ARHGAP40: variants seen among roughly 807,000 people sequenced by gnomAD.
ARHGAP40 encodes the protein rho GTPase-activating protein 40.
A neutral mutation model predicts 73.5 loss-of-function variants in ARHGAP40; 43 were observed. That is an observed-to-expected ratio of 0.58 (90% confidence interval 0.46 to 0.75). The LOEUF is 0.75. Ranked by LOEUF, ARHGAP40 falls within the 30% of genes least tolerant of loss-of-function variation. The pLI is 0.00. For synonymous variants in ARHGAP40, 300 were observed against 352.8 expected, an observed-to-expected ratio of 0.85 and a Z score of 1.68; for missense variants, 734 against 861.8, an observed-to-expected ratio of 0.85 and a Z score of 1.86.
chr20:38,649,503 C>T (rs532198458), intron 14 of ARHGAP40, among the ~76,000 whole-genome samples: 1 of 152,310 alleles, frequency 6.6e-6, no homozygotes, highest in Non-Finnish European at 1.5e-5. Context: ...GAGGCAAGGG[C>T]ACTGGTCTTC....
Position 38,628,689 on chromosome 20 carries a change from C to T in ARHGAP40, c.559-238C>T, listed in dbSNP as rs145306657. 1.2e-4 allele frequency among the ~76,000 whole-genome samples: 18 copies of T among 152,318 alleles called. No homozygotes were observed. The East Asian group carries it at 3.5e-3, about 29-fold the overall frequency. ...TGTGGGCATCATCTTTCTTGGAGCA[C>T]CTCTGAAGTGGCATAGCAGTGATTA... On this transcript the variant is annotated intron_variant, in intron 3 of 14. Coordinates refer to ENST00000373345, the Ensembl canonical transcript of ARHGAP40.
At position 38,646,993 on chromosome 20, in the gene ARHGAP40, A is replaced by G; in HGVS notation, c.1747A>G (p.Ile583Val). The G allele has an allele frequency of 7.7e-7, 1 of 1,305,456 alleles. No individual in the cohort carries two copies. 80.9% of individuals were successfully genotyped at this position (1,305,456 alleles called of 1,614,324 possible). A position where few individuals can be genotyped will look rare whatever the true frequency, so the allele number is the denominator to read the frequency against. ...GGCAAAGATCCAGGTGGTCTGGCCT[A>G]TCAAGGACCCCTTGAAGGTGCCTCT... Residue 583 changes from isoleucine to valine, a missense_variant, in exon 13 of 15, where the codon ATC becomes GTC. Coordinates refer to ENST00000373345, the Ensembl canonical transcript of ARHGAP40. The surrounding 1 kb of genome is among the most constrained non-coding windows in gnomAD (Gnocchi z 4.5).
intron 5 of ARHGAP40, among the ~76,000 whole-genome samples, chr20:38,630,165 T>TC (rs2088930076): frequency 9.1e-6 from 1 of 109,356 alleles, no homozygotes; most frequent in Admixed American, 9.4e-5. Context: ...CTCCCTCCCT[T>TC]CCTTCCTTCC....
intron 5 of ARHGAP40, among the ~76,000 whole-genome samples, chr20:38,634,129 A>C (rs2088958619): frequency 6.6e-6 from 1 of 152,084 alleles, no homozygotes. Context: ...AGGTGGGAGA[A>C]TTGCTTGAGC....
chr20:38,621,601 G>T (rs2088874033), intron 1 of ARHGAP40, among the ~76,000 whole-genome samples: 1 of 152,178 alleles, frequency 6.6e-6, no homozygotes, highest in African/African-American at 2.4e-5. Context: ...AAATATGCCT[G>T]GGGAGAAACA....
chr20:38,627,250 G>A (rs1396468326), intron 3 of ARHGAP40, 35 bp downstream of exon 3: 3 of 1,295,710 alleles, frequency 2.3e-6, no homozygotes, highest in African/African-American at 3.0e-5. Context: ...GGCCCCGTCT[G>A]ACTGGGATCT....
intron 5 of ARHGAP40, among the ~76,000 whole-genome samples, chr20:38,632,855 G>A (rs2088949926): frequency 6.6e-6 from 1 of 151,988 alleles, no homozygotes; most frequent in Non-Finnish European, 1.5e-5. Context: ...AGGCATGGTG[G>A]CTCATGCCTG....
Position 38,638,748 on chromosome 20 carries a change from C to T in ARHGAP40, c.1042-13C>T, listed in dbSNP as rs1364389615. On this transcript the variant is annotated splice_polypyrimidine_tract_variant and intron_variant, in intron 7 of 14. Transcript: ENST00000373345. Reference sequence around the variant, plus strand: ...CGGTTCCTGGTTTAAATGCTGGTTTCTCTTTCTGACAGCTGCTGTCCTGTT... The same window carrying T: ...CGGTTCCTGGTTTAAATGCTGGTTTTTCTTTCTGACAGCTGCTGTCCTGTT... 1.9e-5 allele frequency: 25 copies of T among 1,305,018 alleles called. No individual in the cohort carries two copies. The highest frequency in any genetic ancestry group is 1.1e-4 in the Admixed American group (5 of 43,526). 80.8% of individuals were successfully genotyped at this position (1,305,018 alleles called of 1,614,324 possible).
chr20:38,640,374 G>A (rs555042157), intron 9 of ARHGAP40, among the ~76,000 whole-genome samples: 6 of 151,746 alleles, frequency 4.0e-5, no homozygotes, highest in South Asian at 2.1e-4. Context: ...ATGAGACCAC[G>A]CCTGGCATAC....
chr20:38,645,959 G>A, intron 11 of ARHGAP40, 88 bp from the exon 12 acceptor site: 1 of 1,150,210 alleles, frequency 8.7e-7, no homozygotes. Flanking sequence ...CTGGGCCAGG[G>A]AAGAGGCCAC....
exon 9 of ARHGAP40, chr20:38,639,364 C>T (rs759020830): frequency 1.9e-5 from 25 of 1,305,552 alleles, no homozygotes; most frequent in Non-Finnish European, 2.4e-5. Flanking sequence ...CTGAGTACCT[C>T]CCGGCCTTCG....
At chr20:38,615,008 G>T (rs1300790492) in intron 1 of ARHGAP40, 3 of 1,176,536 alleles carry the variant, frequency 2.5e-6, no homozygotes, top group Non-Finnish European at 3.8e-6. Context: ...TCCCGCTGGG[G>T]TTGATCTCCA....
chr20:38,615,511 T>C, intron 1 of ARHGAP40: 1 of 644,938 alleles, frequency 1.6e-6, no homozygotes, highest in Non-Finnish European at 2.9e-6. Context: ...CCTCACAGTC[T>C]CCTTGGGCCC....
chr20:38,630,222 T>C (rs1181049149), intron 5 of ARHGAP40, among the ~76,000 whole-genome samples: 2 of 146,962 alleles, frequency 1.4e-5, no homozygotes, highest in African/African-American at 5.0e-5. Flanking sequence ...CTTCTTTCCT[T>C]CTTTTTTTTT....
At chr20:38,627,661 T>TGGGGTGTGTTGGTGTGTGG (rs2088910831) in intron 3 of ARHGAP40, among the ~76,000 whole-genome samples, 1 of 93,326 alleles carries the variant, frequency 1.1e-5, no homozygotes, top group Non-Finnish European at 2.6e-5. Context: ...TTGGTGTGTG[T>TGGGGTGTGTTGGTGTGTGG]GGGGGTGTGT....
intron 1 of ARHGAP40, among the ~76,000 whole-genome samples, chr20:38,611,106 T>A (rs74652189): frequency 0.01 from 1,572 of 152,190 alleles, 24 homozygotes; most frequent in African/African-American, 0.036. Flanking sequence ...GCCAGGCTAG[T>A]CTCGAACTCC....
intron 9 of ARHGAP40, among the ~76,000 whole-genome samples, chr20:38,640,360 G>A (rs2089010988): frequency 6.6e-6 from 1 of 151,462 alleles, no homozygotes; most frequent in Middle Eastern, 3.2e-3. Flanking sequence ...AAGAATATAG[G>A]CACATGAGAC....
At chr20:38,641,922 G>C in intron 10 of ARHGAP40, 114 bp downstream of exon 10, 1 of 839,874 alleles carries the variant, frequency 1.2e-6, no homozygotes, top group Non-Finnish European at 1.6e-6. Context: ...CCAGGTGCTA[G>C]GGTTCAGTGA....
chr20:38,610,890 T>TC (rs1225208966), intron 1 of ARHGAP40, among the ~76,000 whole-genome samples: 1 of 150,282 alleles, frequency 6.7e-6, no homozygotes, highest in Non-Finnish European at 1.5e-5. Context: ...TTTCTTTTTT[T>TC]TTTTCTTTTT....
Sources: allele counts gnomAD v4.1 joint callset (sites outside exome capture counted in the v4.1 genomes callset), GRCh38; gene constraint gnomAD v4.1.1; non-coding constraint Gnocchi (gnomAD v3.1); transcripts MANE v1.5; gene names NCBI Gene and HGNC (gene_info 2026-07-23, HGNC 2026-07-21).